Variants in TTC39B observed in about 807,000 individuals in gnomAD.
The protein encoded by TTC39B is tetratricopeptide repeat protein 39B.
A neutral mutation model predicts 96.6 loss-of-function variants in TTC39B; 92 were observed. That is an observed-to-expected ratio of 0.95 (90% CI 0.80 to 1.13). The LOEUF (loss-of-function observed/expected upper bound fraction) is 1.13. Among genes scored for constraint, TTC39B ranks in the 50% most tolerant of loss-of-function variants. The probability of loss-of-function intolerance (pLI) is 0.00; values close to 1 mark genes in which losing one functional copy is unlikely to be tolerated. For missense variants in TTC39B, 955 were observed against 809.3 expected (o/e 1.18, Z -2.18); for synonymous variants, 367 against 299.4 (o/e 1.23, Z -2.33).
chr9:15,189,574 CTCT>C, exon 13 of TTC39B: 1 of 1,614,104 alleles, frequency 6.2e-7, no homozygotes, highest in Non-Finnish European at 8.5e-7. Flanking sequence ...AATAAATTAC[CTCT>C]TCAAGATTCC....
intron 2 of TTC39B, among the ~76,000 whole-genome samples, chr9:15,238,696 A>T (rs1487702496): frequency 6.6e-6 from 1 of 152,170 alleles, no homozygotes; most frequent in South Asian, 2.1e-4. Context: ...CATTAAAATG[A>T]CCATATTGGC....
intron 6 of TTC39B, among the ~76,000 whole-genome samples, chr9:15,205,352 GACA>G (rs974414760): frequency 2.0e-5 from 3 of 152,254 alleles, no homozygotes; most frequent in South Asian, 2.1e-4. Flanking sequence ...AGACTTAGAT[GACA>G]ACAAGTACTT....
At position 15,206,084 on chromosome 9, in the gene TTC39B, G is replaced by A. The variant is rs376078031; in HGVS notation, c.692-2194C>T. On this transcript the variant is annotated intron_variant, in intron 6 of 19. Transcript: ENST00000512701. ...GATGAACAAAGTTAAGAGCAGCATG[G>A]GGATGTGACAACAAGGCAGACAGAA... is the stretch of plus-strand genomic sequence containing the variant. Among the ~76,000 whole-genome samples the A allele has an allele frequency of 2.6e-5, 4 of 152,104 alleles. 1 individual carries two copies. The highest frequency in any genetic ancestry group is 9.7e-5 in the African/African-American group (4 of 41,394).
intron 1 of TTC39B, 51 bp downstream of exon 1, chr9:15,307,033 C>T: frequency 6.3e-7 from 1 of 1,591,476 alleles, no homozygotes; most frequent in South Asian, 1.1e-5. Flanking sequence ...CTCTCCCGGA[C>T]TCCTGTCCAG....
intron 3 of TTC39B, among the ~76,000 whole-genome samples, chr9:15,223,076 T>C (rs573294543): frequency 2.0e-4 from 30 of 152,356 alleles, no homozygotes; most frequent in Non-Finnish European, 3.8e-4. Flanking sequence ...AACTGTCAAA[T>C]GTCTTAAAGT....
In TTC39B at chr9:15,189,551, ATAATTCCCACC is replaced by A. The variant is rs564368178; in HGVS notation, c.1233+12_1233+22del. The A allele has an allele frequency of 4.0e-4, 644 of 1,613,812 alleles. 2 individuals carry two copies. The African/African-American group carries it at 7.2e-3, about 18-fold the overall frequency. ...GTCGCCATACAGACAACTCCCCCAA[ATAATTCCCACC>A]TAATAAATTACCTCTTCAAGATTCC... On this transcript the variant is annotated intron_variant, in intron 13 of 19. Transcript: ENST00000512701.
intron 16 of TTC39B, 69 bp downstream of exon 16, chr9:15,185,211 G>C: frequency 6.6e-7 from 1 of 1,513,830 alleles, no homozygotes; most frequent in Non-Finnish European, 8.8e-7. Flanking sequence ...ACCAAATTTA[G>C]ATATGCTCCC....
intron 3 of TTC39B, among the ~76,000 whole-genome samples, chr9:15,223,418 G>A (rs938685824): frequency 1.3e-5 from 2 of 152,188 alleles, no homozygotes; most frequent in Admixed American, 1.3e-4. Context: ...CTTGACATCC[G>A]GGGTGTCTCA....
chr9:15,289,900 T>C lies in TTC39B; in HGVS notation c.240+17184A>G, dbSNP rs570707016. On this transcript the variant is annotated intron_variant, in intron 1 of 19. Transcript: ENST00000512701. The stretch of plus-strand genomic sequence containing the variant: ...TCTTGCAAGTGGAACAAATTATTCA[T>C]GTGGGCAGGAGTAATTCATACAGCC... 2.6e-5 allele frequency among the ~76,000 whole-genome samples: 4 copies of C among 152,290 alleles called. No homozygotes were observed. The East Asian group carries it at 7.7e-4, about 29-fold the overall frequency.
intron 3 of TTC39B, among the ~76,000 whole-genome samples, chr9:15,221,459 A>T (rs60641439): frequency 2.0e-5 from 3 of 152,262 alleles, no homozygotes; most frequent in African/African-American, 7.2e-5. Context: ...TCTTTCGACA[A>T]GCCCTGTCCT....
At chr9:15,207,436 T>C (rs581267) in intron 6 of TTC39B, among the ~76,000 whole-genome samples, 2 of 152,280 alleles carry the variant, frequency 1.3e-5, no homozygotes, top group African/African-American at 4.8e-5. Flanking sequence ...AATAATTCAT[T>C]ATTTCCTTCA....
At chr9:15,303,463 T>C (rs904632979) in intron 1 of TTC39B, among the ~76,000 whole-genome samples, 2 of 151,434 alleles carry the variant, frequency 1.3e-5, no homozygotes, top group East Asian at 1.9e-4. Flanking sequence ...CTCAACCTCC[T>C]AGGCTCAAGT....
At chr9:15,231,750 C>T (rs1175552229) in intron 2 of TTC39B, among the ~76,000 whole-genome samples, 1 of 152,162 alleles carries the variant, frequency 6.6e-6, no homozygotes, top group African/African-American at 2.4e-5. Context: ...AAAGCTAGTC[C>T]ATATTTAAAA....
At chr9:15,219,827 A>G (rs1380035909) in intron 3 of TTC39B, among the ~76,000 whole-genome samples, 1 of 152,148 alleles carries the variant, frequency 6.6e-6, no homozygotes, top group Non-Finnish European at 1.5e-5. Context: ...GCAGTGAGCT[A>G]GTAGGGCAGG....
rs558759098 is a variant in TTC39B, at chr9:15,189,837, G to A, written c.1106-45C>T. 11 of 1,358,076 alleles carry A rather than the reference G, an allele frequency of 8.1e-6. No homozygotes were observed. The East Asian group carries it at 2.4e-4, about 30-fold the overall frequency. 84.1% of individuals were successfully genotyped at this position (1,358,076 alleles called of 1,614,324 possible). On this transcript the variant is annotated intron_variant, in intron 11 of 19. Coordinates refer to ENST00000512701, the Ensembl canonical transcript of TTC39B. ...AGACTCAGTCTTCATAAGACATGGG[G>A]ATATTTATAACCAGCTCTCCAAATT...
At chr9:15,247,864 C>T (rs1221883496) in intron 2 of TTC39B, among the ~76,000 whole-genome samples, 2 of 147,606 alleles carry the variant, frequency 1.4e-5, no homozygotes, top group African/African-American at 2.5e-5. Context: ...AAAAAAAAAA[C>T]GAGGGGGCTC....
At chr9:15,224,106 CCTT>C (rs1228004609) in intron 3 of TTC39B, among the ~76,000 whole-genome samples, 8 of 152,170 alleles carry the variant, frequency 5.3e-5, no homozygotes, top group African/African-American at 1.9e-4. Flanking sequence ...TTCTCCCACT[CCTT>C]CTATTCACAG....
chr9:15,203,756 C>A, intron 7 of TTC39B, 67 bp downstream of exon 7: 1 of 1,303,440 alleles, frequency 7.7e-7, no homozygotes, highest in Non-Finnish European at 1.1e-6. Context: ...TAGAATGCAC[C>A]ACATTTTTCT....
At chr9:15,276,627 T>C (rs1563782234) in intron 1 of TTC39B, among the ~76,000 whole-genome samples, 2 of 152,230 alleles carry the variant, frequency 1.3e-5, no homozygotes, top group African/African-American at 4.8e-5. Context: ...CTACGCACTA[T>C]AAATAAATAC....
Sources: gnomAD v4.1 joint callset for allele counts (sites outside exome capture counted in the v4.1 genomes callset) on GRCh38, gnomAD v4.1.1 for gene constraint, MANE v1.5 for transcripts, NCBI Gene and HGNC (gene_info 2026-07-23, HGNC 2026-07-21) for gene names.